Variants in AGBL1 observed in about 807,000 individuals in gnomAD.
AGBL1 encodes the protein cytosolic carboxypeptidase 4.
Under a neutral mutation model 118.9 loss-of-function variants are expected in AGBL1, and 130 were observed. That is an observed-to-expected ratio of 1.09 (90% CI 0.95 to 1.26). The LOEUF is 1.26. Ranked by LOEUF, AGBL1 falls within the 50% of genes most tolerant of loss-of-function variation. The pLI is 0.00. For synonymous variants in AGBL1, 555 were observed against 478.9 expected (o/e 1.16, Z -2.08); for missense variants, 1,584 against 1,298.1 (o/e 1.22, Z -3.38).
chr15:86,406,348 G>C (rs76427677), intron 18 of AGBL1, among the ~76,000 whole-genome samples: 4,931 of 152,286 alleles, frequency 0.032, 133 homozygotes, highest in African/African-American at 0.073. Flanking sequence ...TTTACCGAGT[G>C]CTCAACATGC....
intron 23 of AGBL1, among the ~76,000 whole-genome samples, chr15:86,921,442 C>A (rs2080481000): frequency 6.6e-6 from 1 of 152,306 alleles, no homozygotes; most frequent in East Asian, 1.9e-4. Context: ...TTTTTAGTTT[C>A]TATAGGGAAC....
intron 22 of AGBL1, among the ~76,000 whole-genome samples, chr15:86,848,381 T>C (rs1036854322): frequency 6.6e-6 from 1 of 152,200 alleles, no homozygotes; most frequent in Non-Finnish European, 1.5e-5. Flanking sequence ...TTTCAATAAA[T>C]TATTTTGGAA....
At chr15:86,894,423 G>A (rs1438947689) in intron 22 of AGBL1, among the ~76,000 whole-genome samples, 1 of 152,122 alleles carries the variant, frequency 6.6e-6, no homozygotes, top group African/African-American at 2.4e-5. Flanking sequence ...GAGCTGCAGA[G>A]AGAGCAACTC....
At chr15:86,827,641 C>T (rs1373447258) in intron 22 of AGBL1, among the ~76,000 whole-genome samples, 1 of 143,302 alleles carries the variant, frequency 7.0e-6, no homozygotes, top group Non-Finnish European at 1.5e-5. Flanking sequence ...GTGAGAATGG[C>T]TAAGTTGAAG....
intron 23 of AGBL1, among the ~76,000 whole-genome samples, chr15:86,947,960 T>C (rs2080842746): frequency 6.6e-6 from 1 of 152,232 alleles, no homozygotes; most frequent in African/African-American, 2.4e-5. Flanking sequence ...GCTGAAGTTT[T>C]TCTCTACATC....
intron 18 of AGBL1, among the ~76,000 whole-genome samples, chr15:86,438,657 C>CTTTTTTTTTTTTTTTTT (rs35937855): frequency 3.8e-5 from 5 of 131,624 alleles, no homozygotes; most frequent in Non-Finnish European, 3.2e-5. Context: ...TAATCTGTCT[C>CTTTTTTTTTTTTTTTTT]TTTTTTTTTT....
At chr15:86,290,343 CTTTTTT>C (rs559169172) in intron 16 of AGBL1, among the ~76,000 whole-genome samples, 1 of 134,346 alleles carries the variant, frequency 7.4e-6, no homozygotes. Flanking sequence ...TCTTTTCTTT[CTTTTTT>C]TTTTTTTTTT....
intron 22 of AGBL1, among the ~76,000 whole-genome samples, chr15:86,775,519 C>G (rs891337831): frequency 6.6e-6 from 1 of 151,920 alleles, no homozygotes; most frequent in Admixed American, 6.6e-5. Flanking sequence ...TTCAGGCAGC[C>G]TTGATATTTG....
At chr15:86,151,016 A>C (rs531425180) in intron 3 of AGBL1, among the ~76,000 whole-genome samples, 2 of 152,264 alleles carry the variant, frequency 1.3e-5, no homozygotes, top group Admixed American at 1.3e-4. Context: ...ACATGGATGA[A>C]ATTGGAAATC....
In AGBL1 at chr15:86,610,168, A is replaced by G. The variant is rs537655690; in HGVS notation, c.2994+55631A>G. ...CTCTTTCTGTAGCATAATACATTCA[A>G]TGGAAGATAGTCATTTCGTCTCTTT... On this transcript the variant is annotated intron_variant, in intron 21 of 22. Transcript: ENST00000614907. Among the ~76,000 whole-genome samples the G allele has an allele frequency of 2.0e-5, 3 of 152,274 alleles. No individual in the cohort carries two copies. In the South Asian group the frequency reaches 6.2e-4, roughly 32 times the overall value.
At chr15:86,152,465 T>C (rs753501237) in intron 3 of AGBL1, among the ~76,000 whole-genome samples, 5 of 152,202 alleles carry the variant, frequency 3.3e-5, no homozygotes, top group Non-Finnish European at 5.9e-5. Flanking sequence ...CAGCGATATG[T>C]AGAAAGCTGA....
intron 24 of AGBL1, among the ~76,000 whole-genome samples, chr15:87,003,774 T>G (rs527834287): frequency 2.3e-4 from 35 of 152,338 alleles, no homozygotes; most frequent in African/African-American, 7.5e-4. Context: ...TAGAGATGTT[T>G]ATAGTATTCT....
At position 86,915,176 on chromosome 15, in the gene AGBL1, G is replaced by A. The variant is rs1309785963; in HGVS notation, c.*7882G>A. 1 of 152,146 alleles carries A rather than the reference G, an allele frequency of 6.6e-6. No individual in the cohort carries two copies. The highest frequency in any genetic ancestry group is 1.5e-5 in the Non-Finnish European group (1 of 68,056). The allele number at this position is 152,146 out of a possible 1,614,324, so 9.4% of individuals were successfully genotyped here. ...GACTCGGTAACACTGTTCTCACCTG[G>A]ACTTCAAGTTTTCTTACCACTCTTC... On this transcript the variant is annotated 3_prime_UTR_variant, in exon 23 of 23. Coordinates refer to ENST00000614907, the MANE Select transcript of AGBL1 (RefSeq NM_001386094.1).
rs1239437435 is a variant in AGBL1, at chr15:86,298,335, A to ATATATT, written c.2374+2927_2374+2928insTATATT. On this transcript the variant is annotated intron_variant, in intron 17 of 22. Coordinates refer to ENST00000614907, the MANE Select transcript of AGBL1 (RefSeq NM_001386094.1). ...TATATAGGTAACTATATATATGGTA[A>ATATATT]CTATATATATATGAATATATTCTTA... Among the ~76,000 whole-genome samples the ATATATT allele has an allele frequency of 1.5e-3, 205 of 133,814 alleles. 2 individuals carry two copies. Among genetic ancestry groups the ATATATT allele is most frequent in the African/African-American group, 5.4e-3 (183 of 33,958 alleles). 87.8% of individuals were successfully genotyped at this position (133,814 alleles called of 152,430 possible). A position where few individuals can be genotyped will look rare whatever the true frequency, so the allele number is the denominator to read the frequency against.
Position 86,321,460 on chromosome 15 carries a change from T to C in AGBL1, c.2374+26052T>C, listed in dbSNP as rs531210233. Among the ~76,000 whole-genome samples the C allele has an allele frequency of 5.1e-3, 769 of 152,166 alleles. 6 individuals carry two copies. Among genetic ancestry groups the C allele is most frequent in the African/African-American group, 0.018 (737 of 41,512 alleles). On this transcript the variant is annotated intron_variant, in intron 17 of 22. Coordinates refer to ENST00000614907, the MANE Select transcript of AGBL1 (RefSeq NM_001386094.1). ...TTAATGTTGTTTATTCATACCTTAT[T>C]CTTTTCTGATATAAAAATTTCAGAG...
intron 15 of AGBL1, among the ~76,000 whole-genome samples, chr15:86,274,762 A>G (rs1396459601): frequency 6.6e-6 from 1 of 152,230 alleles, no homozygotes; most frequent in Non-Finnish European, 1.5e-5. Context: ...TACCCACCAC[A>G]TTAGGCTGAC....
At position 86,638,808 on chromosome 15, in the gene AGBL1, C is replaced by T. The variant is rs115031940; in HGVS notation, c.2995-35465C>T. Among the ~76,000 whole-genome samples the T allele has an allele frequency of 5.1e-3, 784 of 152,286 alleles. 4 individuals are homozygous for T. The highest frequency in any genetic ancestry group is 0.018 in the African/African-American group (752 of 41,568). On this transcript the variant is annotated intron_variant, in intron 21 of 22. Coordinates refer to ENST00000614907, the MANE Select transcript of AGBL1 (RefSeq NM_001386094.1). ...GCATAAAACACCATACATATTATCT[C>T]ATAGTTTCTGTGGGTCTGAGTCTGA...
chr15:86,172,885 G>C (rs150309144), intron 5 of AGBL1, among the ~76,000 whole-genome samples: 9 of 152,090 alleles, frequency 5.9e-5, no homozygotes, highest in African/African-American at 2.2e-4. Flanking sequence ...TTACTGGATT[G>C]CATGATAGTC....
rs143476842 is a variant in AGBL1, at chr15:86,877,037, C to A, written c.3159-30050C>A. On this transcript the variant is annotated intron_variant, in intron 22 of 22. Transcript: ENST00000614907. ...AAAAGCATTCAGAGATCAATTCTGC[C>A]CACTCATCTCACTCACTGCACTTAA... Among the ~76,000 whole-genome samples the A allele has an allele frequency of 9.8e-4, 149 of 152,190 alleles. 1 individual carries two copies. The highest frequency in any genetic ancestry group is 3.3e-3 in the African/African-American group (136 of 41,528).
Sources: gnomAD v4.1 joint callset for allele counts (sites outside exome capture counted in the v4.1 genomes callset) on GRCh38, gnomAD v4.1.1 for gene constraint, MANE v1.5 for transcripts, NCBI Gene and HGNC (gene_info 2026-07-23, HGNC 2026-07-21) for gene names.